Variants in ENTREP2 observed in about 807,000 individuals in gnomAD.
ENTREP2 encodes endosomal transmembrane epsin interactor 2, also known as protein ENTREP2.
the ENTREP2 span, among the ~76,000 whole-genome samples, chr15:29,157,899 TTTG>T: frequency 1.3e-5 from 2 of 152,094 alleles, no homozygotes; most frequent in African/African-American, 4.8e-5. Context: ...CCAGCTGATT[TTTG>T]TTATTTTTAG....
chr15:29,174,971 A>T, the ENTREP2 span, among the ~76,000 whole-genome samples: 19 of 152,218 alleles, frequency 1.2e-4, no homozygotes, highest in Admixed American at 7.8e-4. Context: ...TTACAAAGAC[A>T]CTGAATATAT....
the ENTREP2 span, among the ~76,000 whole-genome samples, chr15:29,641,288 T>G: frequency 6.6e-6 from 1 of 152,118 alleles, no homozygotes; most frequent in South Asian, 2.1e-4. Flanking sequence ...TACTCAATAT[T>G]ATACCGGAAG....
the ENTREP2 span, among the ~76,000 whole-genome samples, chr15:29,565,452 T>C: frequency 6.6e-5 from 10 of 150,988 alleles, no homozygotes; most frequent in Non-Finnish European, 1.0e-4. Context: ...TGTAGACACA[T>C]AGAACTGGTA....
the ENTREP2 span, among the ~76,000 whole-genome samples, chr15:29,465,826 T>C: frequency 2.6e-5 from 4 of 152,342 alleles, no homozygotes; most frequent in Non-Finnish European, 5.9e-5. Flanking sequence ...TTAGTCCTAA[T>C]ACCTGACCGA....
chr15:29,640,356 G>T, the ENTREP2 span, among the ~76,000 whole-genome samples: 1 of 152,088 alleles, frequency 6.6e-6, no homozygotes, highest in Non-Finnish European at 1.5e-5. Flanking sequence ...GATTGAATTA[G>T]TAATAAAAGA....
chr15:29,286,515 C>T, the ENTREP2 span, among the ~76,000 whole-genome samples: 2 of 152,168 alleles, frequency 1.3e-5, no homozygotes, highest in Admixed American at 6.5e-5. Context: ...ACTATCTGTC[C>T]ACCCTCTCAA....
At chr15:29,654,998 C>T in the ENTREP2 span, among the ~76,000 whole-genome samples, 1 of 152,180 alleles carries the variant, frequency 6.6e-6, no homozygotes, top group Non-Finnish European at 1.5e-5. Context: ...ATCTCTGTTT[C>T]TATTCACTGC....
chr15:29,235,981 C>A, the ENTREP2 span, among the ~76,000 whole-genome samples: 1 of 121,646 alleles, frequency 8.2e-6, no homozygotes, highest in Non-Finnish European at 1.8e-5. Context: ...CAAAACAAAA[C>A]AAAAAAAAAC....
chr15:29,396,417 T>C, the ENTREP2 span, among the ~76,000 whole-genome samples: 78 of 152,288 alleles, frequency 5.1e-4, 1 homozygote, highest in African/African-American at 1.6e-3. Context: ...TCTGGGTTCA[T>C]CCATGTTGCC....
chr15:29,150,373 A>G, the ENTREP2 span, among the ~76,000 whole-genome samples: 3 of 152,204 alleles, frequency 2.0e-5, no homozygotes, highest in African/African-American at 7.2e-5. Context: ...TTAGTTGGCA[A>G]TTTTCATTTT....
the ENTREP2 span, among the ~76,000 whole-genome samples, chr15:29,456,658 T>C: frequency 6.6e-6 from 1 of 152,142 alleles, no homozygotes; most frequent in Non-Finnish European, 1.5e-5. Flanking sequence ...TACGAAACCC[T>C]GGAGAAAATA....
chr15:29,143,857 C>T, the ENTREP2 span, among the ~76,000 whole-genome samples: 1 of 152,146 alleles, frequency 6.6e-6, no homozygotes, highest in South Asian at 2.1e-4. Context: ...ACAGAAACAG[C>T]AGTGAGCAGT....
the ENTREP2 span, among the ~76,000 whole-genome samples, chr15:29,633,188 G>C: frequency 6.6e-6 from 1 of 152,120 alleles, no homozygotes. Context: ...GCAGAGACTG[G>C]CACCACCAAC....
the ENTREP2 span, among the ~76,000 whole-genome samples, chr15:29,353,137 G>A: frequency 1.3e-5 from 2 of 149,328 alleles, no homozygotes; most frequent in African/African-American, 5.1e-5. Context: ...ACACACAGCG[G>A]CATTTTTTTT....
chr15:29,472,308 A>T, the ENTREP2 span, among the ~76,000 whole-genome samples: 1 of 152,250 alleles, frequency 6.6e-6, no homozygotes, highest in African/African-American at 2.4e-5. Context: ...CAGCTCTGGA[A>T]GGGCAGGTCT....
chr15:29,651,540 G>A, the ENTREP2 span, among the ~76,000 whole-genome samples: 1 of 152,190 alleles, frequency 6.6e-6, no homozygotes, highest in Non-Finnish European at 1.5e-5. Flanking sequence ...CCAGGCGCAA[G>A]ACCCGGGCAT....
the ENTREP2 span, among the ~76,000 whole-genome samples, chr15:29,165,172 G>A: frequency 1.3e-5 from 2 of 152,030 alleles, no homozygotes; most frequent in Non-Finnish European, 2.9e-5. Flanking sequence ...ATAAGCAGAG[G>A]TGGTGCCAAG....
chr15:29,320,602 A>G, the ENTREP2 span, among the ~76,000 whole-genome samples: 14,512 of 152,262 alleles, frequency 0.095, 809 homozygotes, highest in East Asian at 0.2. Context: ...AACCACTGTG[A>G]TGAATATGCT....
At chr15:29,570,939 C>CGCCGCGCCGCCCGCCCGCCG in the ENTREP2 span, among the ~76,000 whole-genome samples, 3 of 144,904 alleles carry the variant, frequency 2.1e-5, no homozygotes, top group African/African-American at 7.4e-5. Context: ...ATGCCGCCGC[C>CGCCGCGCCGCCCGCCCGCCG]GCCGCGCCGC....
Sources: allele counts gnomAD v4.1 joint callset (sites outside exome capture counted in the v4.1 genomes callset), GRCh38; gene constraint gnomAD v4.1.1; transcripts MANE v1.5; gene names NCBI Gene and HGNC (gene_info 2026-07-23, HGNC 2026-07-21).